Variants in RPS6KC1 observed in about 807,000 individuals in gnomAD.
RPS6KC1 encodes the protein inactive ribosomal protein S6 kinase delta-1.
RPS6KC1 carries 54 observed loss-of-function variants against 103.8 expected under a neutral mutation model. The observed-to-expected ratio is 0.52, with a 90% CI of 0.42 to 0.65. RPS6KC1 has a LOEUF of 0.65. RPS6KC1 is among the 30% of genes least tolerant of loss of function. RPS6KC1 has a pLI of 0.00. For missense variants in RPS6KC1, 1,151 were observed against 1,253.8 expected, an observed-to-expected ratio of 0.92 and a Z score of 1.24; for synonymous variants, 439 against 438.7, an observed-to-expected ratio of 1.00 and a Z score of -0.01.
At chr1:213,109,806 C>T (rs1056103978) in intron 4 of RPS6KC1, among the ~76,000 whole-genome samples, 1 of 150,718 alleles carries the variant, frequency 6.6e-6, no homozygotes, top group Non-Finnish European at 1.5e-5. Flanking sequence ...CGTAGGTATA[C>T]CTAGGAGTGG....
intron 4 of RPS6KC1, among the ~76,000 whole-genome samples, chr1:213,109,829 A>G (rs2148824710): frequency 6.6e-6 from 1 of 151,384 alleles, no homozygotes; most frequent in South Asian, 2.1e-4. Context: ...TTTAGGTGGG[A>G]AGTTTTTTTT....
the RPS6KC1 span, among the ~76,000 whole-genome samples, chr1:213,360,177 G>A: frequency 3.9e-5 from 6 of 152,252 alleles, no homozygotes; most frequent in South Asian, 6.2e-4. Context: ...CATTCTCCCC[G>A]TCACTTTCAG....
chr1:213,853,370 CA>C, the RPS6KC1 span, among the ~76,000 whole-genome samples: 49 of 152,316 alleles, frequency 3.2e-4, no homozygotes, highest in African/African-American at 1.1e-3. Flanking sequence ...TATAAACACA[CA>C]GTCCTTAACC....
chr1:213,423,828 G>A, the RPS6KC1 span, among the ~76,000 whole-genome samples: 2 of 152,324 alleles, frequency 1.3e-5, no homozygotes, highest in Admixed American at 1.3e-4. Context: ...GCATGGGCTC[G>A]GTGAATAGCG....
In RPS6KC1 at chr1:213,226,539, A is replaced by G. The variant is rs182763011; in HGVS notation, c.1045-3958A>G. 3.3e-5 allele frequency among the ~76,000 whole-genome samples: 5 copies of G among 152,276 alleles called. No homozygotes were observed. In the East Asian group the frequency reaches 7.7e-4, roughly 23 times the overall value. On this transcript the variant is annotated intron_variant, in intron 8 of 14. Transcript: ENST00000366960. ...TTTCAACTGATGATACCACTATTTC[A>G]TTTTAGTGTTTTTCCTTCTTCTGAC...
the RPS6KC1 span, among the ~76,000 whole-genome samples, chr1:213,390,005 C>A: frequency 2.9e-3 from 446 of 152,218 alleles, 1 homozygote; most frequent in Non-Finnish European, 5.6e-3. Flanking sequence ...ATTAGTGGTG[C>A]GGTAGGGACG....
chr1:213,268,760 T>C (rs1458198570), intron 14 of RPS6KC1, among the ~76,000 whole-genome samples: 1 of 151,460 alleles, frequency 6.6e-6, no homozygotes, highest in Non-Finnish European at 1.5e-5. Flanking sequence ...GTTACTATTA[T>C]TTTGAAGTAG....
At chr1:213,672,677 G>A in the RPS6KC1 span, among the ~76,000 whole-genome samples, 2 of 152,132 alleles carry the variant, frequency 1.3e-5, no homozygotes, top group African/African-American at 2.4e-5. Context: ...CACTCTGAGT[G>A]TTTCAACTCC....
the RPS6KC1 span, among the ~76,000 whole-genome samples, chr1:213,401,731 C>T: frequency 6.6e-6 from 1 of 152,116 alleles, no homozygotes; most frequent in Non-Finnish European, 1.5e-5. Context: ...TATCAGAGCT[C>T]TTTTTGTGTA....
the RPS6KC1 span, among the ~76,000 whole-genome samples, chr1:213,587,363 C>G: frequency 6.6e-6 from 1 of 152,124 alleles, no homozygotes; most frequent in South Asian, 2.1e-4. Flanking sequence ...TTGCTGTAGC[C>G]TCTTGTTGGT....
At chr1:213,708,070 C>A in the RPS6KC1 span, among the ~76,000 whole-genome samples, 9 of 152,102 alleles carry the variant, frequency 5.9e-5, no homozygotes, top group African/African-American at 1.4e-4. Context: ...TTTTCCAATT[C>A]TGTGAAGAAA....
the RPS6KC1 span, among the ~76,000 whole-genome samples, chr1:213,549,611 C>CT: frequency 1.9e-5 from 2 of 105,588 alleles, no homozygotes; most frequent in African/African-American, 6.6e-5. Flanking sequence ...TTTTTCTTTT[C>CT]CTTTTTTTTT....
chr1:213,179,141 G>A (rs965779188), intron 8 of RPS6KC1, among the ~76,000 whole-genome samples: 4 of 152,132 alleles, frequency 2.6e-5, no homozygotes, highest in East Asian at 1.9e-4. Context: ...TAGGCCGGGA[G>A]CTGTGGCTCA....
the RPS6KC1 span, among the ~76,000 whole-genome samples, chr1:213,481,893 G>GGTTGGATCAT: frequency 6.6e-6 from 1 of 152,156 alleles, no homozygotes; most frequent in Non-Finnish European, 1.5e-5. Context: ...TCATGGGGGT[G>GGTTGGATCAT]GATTTCTCAT....
chr1:213,338,880 G>T, the RPS6KC1 span, among the ~76,000 whole-genome samples: 1 of 151,558 alleles, frequency 6.6e-6, no homozygotes, highest in Admixed American at 6.6e-5. Context: ...GAGTAAAGAT[G>T]TGTTCTCCCA....
the RPS6KC1 span, among the ~76,000 whole-genome samples, chr1:213,846,042 C>G: frequency 6.6e-5 from 10 of 151,282 alleles, no homozygotes; most frequent in African/African-American, 1.2e-4. Context: ...CCCGTAATCC[C>G]AGCACTTTGG....
At chr1:213,553,016 T>A in the RPS6KC1 span, among the ~76,000 whole-genome samples, 3 of 152,022 alleles carry the variant, frequency 2.0e-5, no homozygotes, top group African/African-American at 7.2e-5. Flanking sequence ...TCTTTCCAAC[T>A]TTTATTTTAG....
chr1:213,269,747 C>T (rs2094997819), intron 14 of RPS6KC1, among the ~76,000 whole-genome samples: 1 of 151,862 alleles, frequency 6.6e-6, no homozygotes, highest in Non-Finnish European at 1.5e-5. Context: ...TTAGCTTGCA[C>T]CGTAAGAAAC....
the RPS6KC1 span, among the ~76,000 whole-genome samples, chr1:213,854,263 G>A: frequency 2.6e-5 from 4 of 152,302 alleles, no homozygotes; most frequent in East Asian, 1.9e-4. Flanking sequence ...TGTAGCAGTC[G>A]ACTCATTTTC....
Sources: allele counts gnomAD v4.1 joint callset (sites outside exome capture counted in the v4.1 genomes callset), GRCh38; gene constraint gnomAD v4.1.1; transcripts MANE v1.5; gene names NCBI Gene and HGNC (gene_info 2026-07-23, HGNC 2026-07-21).